CD96: variants seen among roughly 807,000 people sequenced by gnomAD.
CD96 encodes the protein T-cell surface protein tactile.
CD96 carries 70 observed loss-of-function variants against 71.3 expected under a neutral mutation model. The observed-to-expected ratio is 0.98, with a 90% CI of 0.81 to 1.20. CD96 has a LOEUF of 1.20. Among genes scored for constraint, CD96 ranks in the 50% most tolerant of loss-of-function variants. The probability of loss-of-function intolerance (pLI) is 0.00; values close to 1 mark genes in which losing one functional copy is unlikely to be tolerated. For synonymous variants in CD96, 248 were observed against 233.0 expected (o/e 1.06, Z -0.59); for missense variants, 742 against 677.5 (o/e 1.10, Z -1.06).
chr3:111,601,790 T>C (rs1418442122), intron 7 of CD96, among the ~76,000 whole-genome samples: 2 of 152,166 alleles, frequency 1.3e-5, no homozygotes, highest in Non-Finnish European at 2.9e-5. Context: ...AAGGAAACAG[T>C]TTTTCTTTGT....
intron 5 of CD96, chr3:111,595,390 A>AC (rs1489055721): frequency 6.6e-6 from 1 of 151,968 alleles, no homozygotes; most frequent in Non-Finnish European, 1.5e-5. Context: ...GCTGACTCCT[A>AC]CCCCCAGAAG....
intron 14 of CD96, among the ~76,000 whole-genome samples, chr3:111,660,902 C>A (rs1486690423): frequency 6.6e-6 from 1 of 152,172 alleles, no homozygotes; most frequent in Non-Finnish European, 1.5e-5. Context: ...GTACCTTAAA[C>A]TATAAAATCC....
chr3:111,625,173 C>T (rs979097935), intron 10 of CD96, among the ~76,000 whole-genome samples: 1 of 152,322 alleles, frequency 6.6e-6, no homozygotes, highest in East Asian at 1.9e-4. Flanking sequence ...CTTGCTCCCT[C>T]ATTCCTGGGA....
intron 2 of CD96, among the ~76,000 whole-genome samples, chr3:111,553,578 T>G (rs369610071): frequency 2.0e-5 from 3 of 151,876 alleles, no homozygotes; most frequent in Non-Finnish European, 2.9e-5. Context: ...AATAGAAATA[T>G]TCTATCATTC....
At position 111,579,064 on chromosome 3, in the gene CD96, A is replaced by G; in HGVS notation, c.581A>G (p.Asn194Ser). 6 of 1,610,262 alleles carry G rather than the reference A, an allele frequency of 3.7e-6. No homozygotes were observed. The highest frequency in any genetic ancestry group is 5.1e-6 in the Non-Finnish European group (6 of 1,176,430). Residue 194 changes from asparagine to serine, a missense_variant, in exon 4 of 14, where the codon AAT (asparagine) becomes AGT (serine). Asn to Ser is a conservative substitution (Grantham distance 46, BLOSUM62 1). Coordinates refer to ENST00000352690, the MANE Select transcript of CD96 (RefSeq NM_005816.5). ...NGTQETLISQNHLISNSTLLK... is the reference protein window; with the variant it reads ...NGTQETLISQSHLISNSTLLK... The stretch of plus-strand genomic sequence containing the variant: ...ACTCAGGAAACACTTATCTCCCAAA[A>G]TCACCTCATCAGCAATTCCACATTA...
At chr3:111,636,639 T>C (rs1336504223) in intron 10 of CD96, among the ~76,000 whole-genome samples, 1 of 152,206 alleles carries the variant, frequency 6.6e-6, no homozygotes, top group Non-Finnish European at 1.5e-5. Context: ...GGAAGGTTTG[T>C]CTCTAAATGC....
chr3:111,612,767 T>A (rs1258869498), intron 8 of CD96: 1 of 444,338 alleles, frequency 2.3e-6, no homozygotes, highest in African/African-American at 2.1e-5. Context: ...CTGTTATAGG[T>A]CTTAGGAAAA....
At chr3:111,581,284 T>A (rs1936452876) in intron 4 of CD96, among the ~76,000 whole-genome samples, 1 of 152,208 alleles carries the variant, frequency 6.6e-6, no homozygotes, top group Non-Finnish European at 1.5e-5. Flanking sequence ...GGGTGGAGTC[T>A]CATCCAGTCC....
In CD96 at chr3:111,598,170, A is replaced by T. The variant is rs1213423788; in HGVS notation, c.858A>T (p.Thr286=). The change falls in exon 6 of 14, where the codon ACA becomes ACT. Residue 286 remains threonine (T), a synonymous_variant. Coordinates refer to ENST00000352690, the MANE Select transcript of CD96 (RefSeq NM_005816.5). ...LKNVFPKANI[T]WFIDGSFLHD... is the part of the protein sequence containing the mutation. Reference sequence around the variant, plus strand: ...ATGTATTTCCCAAAGCAAATATCACATGGTTTATAGATGGAAGTTTTCTTC... The same window carrying T: ...ATGTATTTCCCAAAGCAAATATCACTTGGTTTATAGATGGAAGTTTTCTTC... The T allele has an allele frequency of 6.7e-7, 1 of 1,494,090 alleles. No homozygotes were observed. The highest frequency in any genetic ancestry group is 1.1e-5 in the South Asian group (1 of 88,590). 92.6% of individuals were successfully genotyped at this position (1,494,090 alleles called of 1,614,324 possible). A position where few individuals can be genotyped will look rare whatever the true frequency, so the allele number is the denominator to read the frequency against.
At chr3:111,601,774 T>C (rs1405636554) in intron 7 of CD96, among the ~76,000 whole-genome samples, 1 of 152,150 alleles carries the variant, frequency 6.6e-6, no homozygotes, top group Non-Finnish European at 1.5e-5. Context: ...CACAGAATAA[T>C]TTAAGAAGGA....
intron 12 of CD96, among the ~76,000 whole-genome samples, chr3:111,642,501 T>G (rs1939638968): frequency 6.6e-6 from 1 of 151,998 alleles, no homozygotes; most frequent in South Asian, 2.1e-4. Context: ...AAATGGCAAT[T>G]TAAAAATTAC....
chr3:111,571,402 T>A lies in CD96; in HGVS notation c.543+3755T>A, dbSNP rs538169066. ...GATCACTAAATTCATGCTGTTTGAT[T>A]GTTTAATGAGTGGCAGCTCATTAAG... On this transcript the variant is annotated intron_variant, in intron 3 of 13. Transcript: ENST00000352690. Among the ~76,000 whole-genome samples the A allele has an allele frequency of 2.6e-5, 4 of 152,054 alleles. No homozygotes were observed. In the South Asian group the frequency reaches 6.3e-4, roughly 24 times the overall value.
chr3:111,621,894 C>G (rs942645762), intron 8 of CD96, among the ~76,000 whole-genome samples: 3 of 152,180 alleles, frequency 2.0e-5, no homozygotes, highest in Non-Finnish European at 4.4e-5. Flanking sequence ...CAGTTCAAAG[C>G]AATCTACAAA....
intron 3 of CD96, among the ~76,000 whole-genome samples, chr3:111,574,372 A>G (rs1936127901): frequency 6.6e-6 from 1 of 152,196 alleles, no homozygotes; most frequent in African/African-American, 2.4e-5. Flanking sequence ...CAGATTTAAG[A>G]TGTTCAACTG....
intron 13 of CD96, 130 bp from the exon 14 acceptor site, chr3:111,649,568 A>C (rs1181211791): frequency 4.0e-6 from 3 of 741,924 alleles, no homozygotes; most frequent in African/African-American, 3.4e-5. Flanking sequence ...AAATGCTGAA[A>C]GAACTGGGAG....
chr3:111,547,434 G>C (rs185267679), intron 2 of CD96, among the ~76,000 whole-genome samples: 3 of 152,058 alleles, frequency 2.0e-5, no homozygotes, highest in Non-Finnish European at 4.4e-5. Context: ...TGTACATTCT[G>C]CCTGAACCAG....
intron 5 of CD96, among the ~76,000 whole-genome samples, chr3:111,589,096 G>T (rs1000072551): frequency 6.6e-6 from 1 of 151,598 alleles, no homozygotes; most frequent in Non-Finnish European, 1.5e-5. Context: ...GATTACAGGC[G>T]CCTGCCACCA....
intron 1 of CD96, 55 bp downstream of exon 1, chr3:111,542,364 G>A (rs1240003831): frequency 2.6e-6 from 3 of 1,158,310 alleles, no homozygotes; most frequent in East Asian, 2.4e-5. Flanking sequence ...GGGCGGATGG[G>A]GCCTCTGTTC....
At chr3:111,630,529 C>CA (rs905199768) in intron 10 of CD96, among the ~76,000 whole-genome samples, 6 of 151,852 alleles carry the variant, frequency 4.0e-5, no homozygotes, top group Admixed American at 6.6e-5. Flanking sequence ...GCCTACTAAC[C>CA]AAAAAAATCC....
Sources: gnomAD v4.1 joint callset for allele counts (sites outside exome capture counted in the v4.1 genomes callset) on GRCh38, gnomAD v4.1.1 for gene constraint, MANE v1.5 for transcripts, NCBI Gene and HGNC (gene_info 2026-07-23, HGNC 2026-07-21) for gene names.